PCDHA5: variants seen among roughly 807,000 people sequenced by gnomAD.
PCDHA5 encodes the protein protocadherin alpha-5.
PCDHA5 carries 43 observed loss-of-function variants against 61.6 expected under a neutral mutation model. That is an observed-to-expected ratio of 0.70 (90% CI 0.55 to 0.90). PCDHA5 has a LOEUF of 0.90. Ranked by LOEUF, PCDHA5 falls within the 40% of genes least tolerant of loss-of-function variation. PCDHA5 has a pLI of 0.00. For missense variants in PCDHA5, 1,298 were observed against 1,222.7 expected (o/e 1.06, Z -0.92); for synonymous variants, 627 against 543.9 (o/e 1.15, Z -2.13).
intron 1 of PCDHA5, among the ~76,000 whole-genome samples, chr5:140,972,752 C>A (rs1332478312): frequency 1.3e-5 from 2 of 151,214 alleles, no homozygotes; most frequent in Non-Finnish European, 2.9e-5. Context: ...CAACCTCCGC[C>A]TCCCAAGTTA....
chr5:140,850,208 G>A lies in PCDHA5; in HGVS notation c.2352+26081G>A, dbSNP rs2150473240. On this transcript the variant is annotated intron_variant, in intron 1 of 3. Transcript: ENST00000529859. Reference sequence around the variant, plus strand: ...CGGCGCTGCTGACACCTCGGATGAGGGGCACTGACGGCGCAGTGAGCGAGA... The same window carrying A: ...CGGCGCTGCTGACACCTCGGATGAGAGGCACTGACGGCGCAGTGAGCGAGA... 6.3e-6 allele frequency: 10 copies of A among 1,593,574 alleles called. 2 individuals carry two copies. The highest frequency in any genetic ancestry group is 6.9e-6 in the Non-Finnish European group (8 of 1,167,640).
intron 1 of PCDHA5, chr5:140,862,920 G>A (rs2047655483): frequency 3.6e-6 from 2 of 548,666 alleles, no homozygotes; most frequent in African/African-American, 3.8e-5. Flanking sequence ...CGCCTTGGGT[G>A]GGCTGGCGGC....
chr5:141,001,489 T>C (rs2098020927), intron 3 of PCDHA5, among the ~76,000 whole-genome samples: 3 of 152,236 alleles, frequency 2.0e-5, no homozygotes. Context: ...GTGCTGGAAA[T>C]GCTAGCCCAG....
intron 1 of PCDHA5, among the ~76,000 whole-genome samples, chr5:140,918,378 T>C (rs2078665832): frequency 6.6e-6 from 1 of 152,192 alleles, no homozygotes; most frequent in South Asian, 2.1e-4. Flanking sequence ...GGATGCCTTT[T>C]ATTTCTTTCT....
chr5:140,918,238 T>A (rs1486197237), intron 1 of PCDHA5, among the ~76,000 whole-genome samples: 3 of 152,176 alleles, frequency 2.0e-5, no homozygotes, highest in African/African-American at 7.2e-5. Context: ...GTACATTGAT[T>A]TTGTATGCTG....
At chr5:140,987,232 A>G (rs1554248942) in intron 3 of PCDHA5, among the ~76,000 whole-genome samples, 1 of 151,894 alleles carries the variant, frequency 6.6e-6, no homozygotes, top group African/African-American at 2.4e-5. Flanking sequence ...AAAAAATAAT[A>G]AATAAAGAAA....
chr5:140,869,205 C>A (rs782278064), intron 1 of PCDHA5: 1 of 1,613,994 alleles, frequency 6.2e-7, no homozygotes, highest in Non-Finnish European at 8.5e-7. Flanking sequence ...TCCACTACTC[C>A]GTCTCGGAGG....
intron 1 of PCDHA5, chr5:140,843,009 C>A: frequency 6.3e-7 from 1 of 1,595,058 alleles, no homozygotes; most frequent in Non-Finnish European, 8.6e-7. Flanking sequence ...GACAACGCGC[C>A]GGCACTGCTG....
rs1767067233 is a variant in PCDHA5, at chr5:140,821,810, G to A, written c.35G>A (p.Arg12Gln). The change falls in exon 1 of 4, where the codon CGG becomes CAG. Residue 12 changes from arginine (R) to glutamine (Q), a missense_variant. Arg to Gln is a conservative substitution (Grantham distance 43, BLOSUM62 1). Coordinates refer to ENST00000529859, the MANE Select transcript of PCDHA5 (RefSeq NM_018908.3). Reference sequence around the variant, plus strand: ...TCCCGGAGAGGAAGTCTGGGATCCCGGCTCCTGCTGCTCTGGCTTCTCCTT... The same window carrying A: ...TCCCGGAGAGGAAGTCTGGGATCCCAGCTCCTGCTGCTCTGGCTTCTCCTT... ...VYSRRGSLGS[R>Q]LLLLWLLLAY... The A allele has an allele frequency of 1.2e-6, 2 of 1,613,712 alleles. No homozygotes were observed. The highest frequency in any genetic ancestry group is 1.7e-6 in the Non-Finnish European group (2 of 1,179,802).
intron 3 of PCDHA5, among the ~76,000 whole-genome samples, chr5:140,995,339 G>A (rs782776966): frequency 1.3e-4 from 20 of 152,026 alleles, no homozygotes; most frequent in Non-Finnish European, 7.4e-5. Context: ...TAGTGTAGAC[G>A]GCATGGATAG....
intron 1 of PCDHA5, among the ~76,000 whole-genome samples, chr5:140,941,562 G>A (rs1032844993): frequency 1.3e-5 from 2 of 151,596 alleles, no homozygotes; most frequent in African/African-American, 2.4e-5. Flanking sequence ...TGATCCATTC[G>A]CCTCAGCCTC....
At chr5:140,995,491 AG>A (rs1467871177) in intron 3 of PCDHA5, among the ~76,000 whole-genome samples, 5 of 152,224 alleles carry the variant, frequency 3.3e-5, no homozygotes, top group Non-Finnish European at 5.9e-5. Context: ...TTTCAGACTA[AG>A]GTTGACTGTG....
At chr5:140,967,609 C>T (rs1026350659) in intron 1 of PCDHA5, 26 of 1,614,056 alleles carry the variant, frequency 1.6e-5, no homozygotes, top group Middle Eastern at 1.6e-4. Flanking sequence ...AGCTGAATGC[C>T]TCAGACCCGG....
intron 1 of PCDHA5, chr5:140,871,411 G>A: frequency 6.2e-7 from 1 of 1,614,056 alleles, no homozygotes; most frequent in Non-Finnish European, 8.5e-7. Flanking sequence ...GGACCTCATG[G>A]CCTTCAGCCC....
intron 1 of PCDHA5, chr5:140,842,631 C>A: frequency 1.9e-6 from 3 of 1,595,224 alleles, no homozygotes; most frequent in Non-Finnish European, 2.6e-6. Context: ...TCGCTGTGGG[C>A]CACCGCCAGC....
chr5:140,837,740 G>T (rs1328705494), intron 1 of PCDHA5, among the ~76,000 whole-genome samples: 2 of 151,462 alleles, frequency 1.3e-5, no homozygotes, highest in Non-Finnish European at 2.9e-5. Flanking sequence ...GCAGTGGTGG[G>T]ATTATAGCCC....
rs906170025 is a variant in PCDHA5 at position 140,935,893 on chromosome 5, T to C, written c.2353-43056T>C. Among the ~76,000 whole-genome samples, 23 of 129,968 alleles carry C rather than the reference T, an allele frequency of 1.8e-4. 1 individual carries two copies. In the Admixed American group the frequency reaches 1.8e-3, roughly 10 times the overall value. The allele number at this position is 129,968 out of a possible 152,430, so 85.3% of individuals were successfully genotyped here. A position where few individuals can be genotyped will look rare whatever the true frequency, so the allele number is the denominator to read the frequency against. ...AATGAGCTCCAATTTATCAATATTA[T>C]CTTTTTTTTTTTTTTTTGAGACAGA... On this transcript the variant is annotated intron_variant, in intron 1 of 3. Transcript: ENST00000529859.
At chr5:140,988,756 A>G (rs577332845) in intron 3 of PCDHA5, among the ~76,000 whole-genome samples, 170 of 152,318 alleles carry the variant, frequency 1.1e-3, no homozygotes, top group African/African-American at 4.0e-3. Flanking sequence ...TGGCCTGGGC[A>G]GAATACAGTC....
At chr5:140,860,323 G>A (rs782283348) in intron 1 of PCDHA5, 1 of 152,078 alleles carries the variant, frequency 6.6e-6, no homozygotes, top group African/African-American at 2.4e-5. Context: ...TGAGGCTGCA[G>A]TGACCCATGA....
Sources: allele counts gnomAD v4.1 joint callset (sites outside exome capture counted in the v4.1 genomes callset), GRCh38; gene constraint gnomAD v4.1.1; transcripts MANE v1.5; gene names NCBI Gene and HGNC (gene_info 2026-07-23, HGNC 2026-07-21).